INSL6: variants seen among roughly 807,000 people sequenced by gnomAD.
The protein encoded by INSL6 is insulin like 6.
A neutral mutation model predicts 9.4 loss-of-function variants in INSL6; 16 were observed. The ratio of observed to expected loss-of-function variants is 1.70; its 90% CI spans 1.15 to 2.59. INSL6 has a LOEUF of 2.59. INSL6 is among the 30% of genes most tolerant of loss of function. INSL6 has a pLI of 0.00. For missense variants in INSL6, 391 were observed against 257.3 expected, an observed-to-expected ratio of 1.52 and a Z score of -3.56; for synonymous variants, 154 against 96.9, an observed-to-expected ratio of 1.59 and a Z score of -3.46.
At chr9:5,127,168 CCACAGTGGATGTATAA>C (rs1375101891) in intron 3 of INSL6, 1 of 241,052 alleles carries the variant, frequency 4.1e-6, no homozygotes, top group Non-Finnish European at 8.1e-6. Context: ...ATAGTTTTTA[CCACAGTGGATGTATAA>C]TACCTTGGCA....
rs182458779 is a variant in INSL6 at position 5,152,808 on chromosome 9, C to T, written c.376+11371G>A. On this transcript the variant is annotated intron_variant, in intron 2 of 3. Coordinates refer to the INSL6 transcript ENST00000649639. ...AGTCGGCAGCTACCAGCAAGATCGA[C>T]GCAGAAGGCAGGTGATTTCTGCATT... Among the ~76,000 whole-genome samples the T allele has an allele frequency of 2.8e-3, 428 of 152,306 alleles. 3 individuals carry two copies. The highest frequency in any genetic ancestry group is 9.5e-3 in the African/African-American group (396 of 41,574).
chr9:5,086,032 C>T, the INSL6 span: 5 of 778,874 alleles, frequency 6.4e-6, no homozygotes. Context: ...TTTGGACAGG[C>T]AGGTGTTAAA....
At chr9:5,045,708 G>A in the INSL6 span, among the ~76,000 whole-genome samples, 1 of 152,098 alleles carries the variant, frequency 6.6e-6, no homozygotes, top group African/African-American at 2.4e-5. Flanking sequence ...TTAGCATAAT[G>A]TCTGTCAGGT....
At chr9:5,066,704 A>G in the INSL6 span, 1 of 1,608,554 alleles carries the variant, frequency 6.2e-7, no homozygotes. Context: ...AGTAAACTGA[A>G]GAAAGCAGGT....
chr9:5,099,659 G>C, the INSL6 span: 2 of 152,108 alleles, frequency 1.3e-5, no homozygotes, highest in East Asian at 1.9e-4. Context: ...CCAACCTCTA[G>C]TCATCAAATT....
chr9:5,072,386 C>A, the INSL6 span: 1 of 737,686 alleles, frequency 1.4e-6, no homozygotes, highest in Non-Finnish European at 2.0e-6. Context: ...AAGGAAAATA[C>A]TTGCTTATGG....
At chr9:5,112,699 G>T in the INSL6 span, 1 of 878,102 alleles carries the variant, frequency 1.1e-6, no homozygotes, top group Non-Finnish European at 1.6e-6. Flanking sequence ...ATTTGGAGCA[G>T]CAAGTGCGAG....
the INSL6 span, chr9:5,090,690 A>T: frequency 1.9e-6 from 3 of 1,544,738 alleles, no homozygotes; most frequent in East Asian, 6.8e-5. Context: ...GACCATTTAA[A>T]TTGTTTATAT....
At chr9:5,070,580 A>T in the INSL6 span, among the ~76,000 whole-genome samples, 1 of 152,018 alleles carries the variant, frequency 6.6e-6, no homozygotes, top group Non-Finnish European at 1.5e-5. Context: ...ATTATTTTTT[A>T]AAATTATTTA....
At chr9:5,116,498 C>G in the INSL6 span, among the ~76,000 whole-genome samples, 1 of 152,048 alleles carries the variant, frequency 6.6e-6, no homozygotes, top group African/African-American at 2.4e-5. Flanking sequence ...TTGGCCATAT[C>G]CCCAGTGATA....
the INSL6 span, chr9:5,090,755 G>C: frequency 6.2e-7 from 1 of 1,603,666 alleles, no homozygotes; most frequent in South Asian, 1.1e-5. Context: ...GAGTATCTTG[G>C]TACAAAAAGG....
the INSL6 span, among the ~76,000 whole-genome samples, chr9:5,023,046 A>T: frequency 1.3e-5 from 2 of 152,232 alleles, no homozygotes; most frequent in Non-Finnish European, 2.9e-5. Context: ...CTATTTTGAA[A>T]AATACAATAC....
At chr9:5,163,729 GA>G, downstream of INSL6, 3 of 556,596 alleles carry the variant, frequency 5.4e-6, no homozygotes, top group Non-Finnish European at 9.5e-6. Flanking sequence ...GAAAACTAAG[GA>G]AAACAACAGG....
At chr9:5,090,131 TA>T in the INSL6 span, among the ~76,000 whole-genome samples, 1 of 152,246 alleles carries the variant, frequency 6.6e-6, no homozygotes, top group African/African-American at 2.4e-5. Flanking sequence ...ACATTTTCTA[TA>T]AAAATATTTT....
the INSL6 span, chr9:5,110,726 A>G: frequency 1.1e-5 from 4 of 355,202 alleles, no homozygotes; most frequent in African/African-American, 4.3e-5. Flanking sequence ...ACTGCTGGCT[A>G]TAGTACCCGT....
chr9:5,157,276 C>A (rs1171294587), intron 2 of INSL6, among the ~76,000 whole-genome samples: 3 of 151,922 alleles, frequency 2.0e-5, no homozygotes, highest in African/African-American at 7.3e-5. Context: ...AATACAAAGG[C>A]TCAACAATAG....
the INSL6 span, among the ~76,000 whole-genome samples, chr9:5,019,590 C>T: frequency 5.4e-4 from 82 of 152,242 alleles, no homozygotes; most frequent in African/African-American, 1.9e-3. Flanking sequence ...TTGGAGATGT[C>T]ATATTTCCCT....
At chr9:5,146,204 A>C (rs954391216) in intron 2 of INSL6, among the ~76,000 whole-genome samples, 4 of 152,008 alleles carry the variant, frequency 2.6e-5, no homozygotes, top group African/African-American at 9.6e-5. Flanking sequence ...TGTTTCTTGA[A>C]GATTTTAGGG....
At chr9:5,180,012 A>G (rs1825411004) in intron 1 of INSL6, among the ~76,000 whole-genome samples, 1 of 152,210 alleles carries the variant, frequency 6.6e-6, no homozygotes, top group East Asian at 1.9e-4. Flanking sequence ...AGGTGAAGCA[A>G]AAAAAAGAAG....
Sources: gnomAD v4.1 joint callset for allele counts (sites outside exome capture counted in the v4.1 genomes callset) on GRCh38, gnomAD v4.1.1 for gene constraint, MANE v1.5 for transcripts, NCBI Gene and HGNC (gene_info 2026-07-23, HGNC 2026-07-21) for gene names.